The following ITSN1 variants were observed in gnomAD, a reference collection of about 807,000 sequenced individuals.
ITSN1 encodes intersectin-1.
In ITSN1, 58 loss-of-function variants were observed where a neutral mutation model predicts 239.8. The ratio of observed to expected loss-of-function variants is 0.24; its 90% CI spans 0.20 to 0.30. The LOEUF (loss-of-function observed/expected upper bound fraction) is 0.30, where lower values mean the gene tolerates loss of function less well. Ranked by LOEUF, ITSN1 falls within the 10% of genes least tolerant of loss-of-function variation. The pLI is 1.00. For missense variants in ITSN1, 1,558 were observed against 2,103.3 expected, an observed-to-expected ratio of 0.74 and a Z score of 5.07; for synonymous variants, 780 against 770.8, an observed-to-expected ratio of 1.01 and a Z score of -0.20.
At position 33,811,221 on chromosome 21, in the gene ITSN1, A is replaced by G. The variant is rs746355159; in HGVS notation, c.2566A>G (p.Thr856Ala). 1 of 1,571,496 alleles carries G rather than the reference A, an allele frequency of 6.4e-7. No individual in the cohort carries two copies. The highest frequency in any genetic ancestry group is 8.6e-7 in the Non-Finnish European group (1 of 1,161,058). ...TPNNWADFSS[T>A]WPTSTNEKPE... ...TAATAACTGGGCCGACTTCAGCTCC[A>G]CGTACGTGTTGGTGGGCTCTTTCTG... The change falls in exon 21 of 40, where the codon ACG becomes GCG. Residue 856 changes from threonine (T) to alanine (A), a missense_variant and splice_region_variant. Thr to Ala is a moderately conservative substitution (Grantham distance 58). Around this residue, in one of 2 missense-constraint regions of ITSN1, gnomAD observed 982 missense variants for 1,209.9 expected, o/e 0.81. Transcript: ENST00000381318.
chr21:33,643,597 G>T (rs879593065), intron 1 of ITSN1: 1 of 152,112 alleles, frequency 6.6e-6, no homozygotes, highest in Non-Finnish European at 1.5e-5. Context: ...AAATAGATTA[G>T]CGGCTTCTCT....
At chr21:33,701,748 T>G (rs1279131370) in intron 1 of ITSN1, among the ~76,000 whole-genome samples, 1 of 151,540 alleles carries the variant, frequency 6.6e-6, no homozygotes, top group African/African-American at 2.4e-5. Flanking sequence ...TGAGCAGAGA[T>G]TGTGCCACTG....
intron 1 of ITSN1, among the ~76,000 whole-genome samples, chr21:33,687,398 T>TAAAAA (rs58230508): frequency 6.1e-5 from 5 of 81,340 alleles, no homozygotes; most frequent in African/African-American, 2.2e-4. Flanking sequence ...AACTCCATCT[T>TAAAAA]AAAAAAAAAA....
chr21:33,836,689 G>T, intron 29 of ITSN1, 57 bp downstream of exon 29: 3 of 1,360,684 alleles, frequency 2.2e-6, no homozygotes, highest in Non-Finnish European at 2.1e-6. Context: ...CGTAAAACAT[G>T]CAGCATTGCT....
At chr21:33,643,399 G>A (rs926206374) in intron 1 of ITSN1, 1 of 152,148 alleles carries the variant, frequency 6.6e-6, no homozygotes. Flanking sequence ...GTGGACCCAA[G>A]ACACAATTGC....
chr21:33,721,602 C>A (rs2065485369), intron 3 of ITSN1, among the ~76,000 whole-genome samples: 1 of 151,668 alleles, frequency 6.6e-6, no homozygotes, highest in African/African-American at 2.4e-5. Context: ...TCCAAACCAG[C>A]CTGGCCAACA....
intron 1 of ITSN1, among the ~76,000 whole-genome samples, chr21:33,651,402 T>G (rs1038120235): frequency 2.0e-5 from 3 of 152,224 alleles, no homozygotes; most frequent in Non-Finnish European, 2.9e-5. Context: ...CTATGGATGT[T>G]GACGTTTCTA....
At chr21:33,742,354 C>T (rs1353358974) in intron 5 of ITSN1, among the ~76,000 whole-genome samples, 5 of 152,076 alleles carry the variant, frequency 3.3e-5, no homozygotes, top group African/African-American at 1.2e-4. Context: ...CGCGCCTGGC[C>T]CTATTTTTAA....
At chr21:33,838,701 A>G (rs1022161797) in intron 29 of ITSN1, among the ~76,000 whole-genome samples, 1 of 152,294 alleles carries the variant, frequency 6.6e-6, no homozygotes, top group Admixed American at 6.5e-5. Flanking sequence ...CCTGATCAAT[A>G]TGCAAATGAT....
Position 33,867,223 on chromosome 21 carries a change from C to T in ITSN1, c.4075-10C>T. On this transcript the variant is annotated splice_polypyrimidine_tract_variant and intron_variant, in intron 32 of 39. Coordinates refer to ENST00000381318, the MANE Select transcript of ITSN1 (RefSeq NM_003024.3). ...GTTTCTTAAGTACATTTAAAAACAT[C>T]TCATTTCAGAGATTGGCAATGGATC... 2 of 1,556,892 alleles carry T rather than the reference C, an allele frequency of 1.3e-6. No homozygotes were observed. Among genetic ancestry groups the T allele is most frequent in the Non-Finnish European group, 1.8e-6 (2 of 1,128,002 alleles).
chr21:33,836,620 C>G lies in ITSN1; in HGVS notation c.3649C>G (p.Pro1217Ala). The G allele has an allele frequency of 6.2e-7, 1 of 1,613,412 alleles. No homozygotes were observed. Among genetic ancestry groups the G allele is most frequent in the Non-Finnish European group, 8.5e-7 (1 of 1,179,646 alleles). The change falls in exon 29 of 40, where the codon CCA (proline) becomes GCA (alanine). Residue 1217 changes from proline (P) to alanine (A), a missense_variant. Transcript: ENST00000381318. ...NYVKLTTDMD[P>A]SQQWCSDLHL... ...TGTGAAGCTGACCACAGACATGGAC[C>G]CAAGCCAGCAATGTAAGTGCCCTGG...
At chr21:33,762,480 G>A (rs1177413132) in intron 9 of ITSN1, among the ~76,000 whole-genome samples, 1 of 151,890 alleles carries the variant, frequency 6.6e-6, no homozygotes, top group Non-Finnish European at 1.5e-5. Context: ...GGTCAGGCTG[G>A]TCTTGAACTC....
chr21:33,811,101 G>A lies in ITSN1; in HGVS notation c.2446G>A (p.Val816Met), dbSNP rs751233796. The change falls in exon 21 of 40, where the codon GTG becomes ATG. Residue 816 changes from valine to methionine, a missense_variant. Val to Met is a conservative substitution (Grantham distance 21). Coordinates refer to ENST00000381318, the MANE Select transcript of ITSN1 (RefSeq NM_003024.3). ...ENEVPAPVKP[V>M]TDSTSAPAPK... ...TGAGGTTCCCGCTCCAGTGAAACCA[G>A]TGACTGATTCAACATCTGCCCCTGC... The A allele has an allele frequency of 6.2e-7, 1 of 1,614,204 alleles. No homozygotes were observed.
intron 9 of ITSN1, among the ~76,000 whole-genome samples, chr21:33,763,506 G>A (rs941830172): frequency 5.3e-5 from 8 of 152,194 alleles, no homozygotes; most frequent in African/African-American, 1.9e-4. Flanking sequence ...GATGCTAGAT[G>A]CCAGTAGCAT....
chr21:33,848,534 A>C (rs2075054931), intron 29 of ITSN1, among the ~76,000 whole-genome samples: 1 of 152,234 alleles, frequency 6.6e-6, no homozygotes, highest in South Asian at 2.1e-4. Context: ...CTCTAGGGTC[A>C]GACTCCCTCT....
chr21:33,764,953 A>G (rs1228587084), intron 9 of ITSN1, among the ~76,000 whole-genome samples: 1 of 152,232 alleles, frequency 6.6e-6, no homozygotes, highest in Admixed American at 6.5e-5. Context: ...CTGTGGCTGG[A>G]GTTCATAAAG....
rs553904689 is a variant in ITSN1, at chr21:33,662,090, C to T, written c.-33+19377C>T. ...TGCATTATGCTGTATCCCTGTTGAC[C>T]TTCCCCTTTTCCTCTTCTATTTCTC... On this transcript the variant is annotated intron_variant, in intron 1 of 39. Transcript: ENST00000381318. Among the ~76,000 whole-genome samples the T allele has an allele frequency of 4.4e-4, 67 of 152,180 alleles. 1 individual carries two copies. The highest frequency in any genetic ancestry group is 8.7e-4 in the Non-Finnish European group (59 of 68,000).
intron 27 of ITSN1, among the ~76,000 whole-genome samples, chr21:33,831,019 A>G (rs186976808): frequency 2.6e-5 from 4 of 152,178 alleles, no homozygotes; most frequent in Admixed American, 2.6e-4. Flanking sequence ...ATTCTTGCCA[A>G]TTTTCCTGAG....
At chr21:33,722,200 A>T (rs763588992) in intron 3 of ITSN1, among the ~76,000 whole-genome samples, 1 of 152,186 alleles carries the variant, frequency 6.6e-6, no homozygotes, top group Non-Finnish European at 1.5e-5. Context: ...AGTACCCAGA[A>T]TTTGGAGTAT....
Sources: gnomAD v4.1 joint callset for allele counts (sites outside exome capture counted in the v4.1 genomes callset) on GRCh38, gnomAD v4.1.1 for gene constraint, gnomAD v4.1.1 regional missense constraint, MANE v1.5 for transcripts, NCBI Gene and HGNC (gene_info 2026-07-23, HGNC 2026-07-21) for gene names.